Variants in GAN observed in about 807,000 individuals in gnomAD.
GAN encodes the protein gigaxonin, also known as epididymis secretory sperm binding protein.
A neutral mutation model predicts 71.3 loss-of-function variants in GAN; 48 were observed. That is an observed-to-expected ratio of 0.67 (90% CI 0.53 to 0.86). The LOEUF (loss-of-function observed/expected upper bound fraction) is 0.86. GAN is among the 40% of genes least tolerant of loss of function. The pLI is 0.00. For missense variants in GAN, 928 were observed against 770.1 expected (o/e 1.21, Z -2.43); for synonymous variants, 386 against 276.8 (o/e 1.39, Z -3.92).
At chr16:81,364,331 G>A (rs1020324856) in intron 7 of GAN, among the ~76,000 whole-genome samples, 6 of 151,994 alleles carry the variant, frequency 3.9e-5, no homozygotes, top group African/African-American at 1.5e-4. Flanking sequence ...GTGCGGTGGC[G>A]CCATCTTGGC....
At position 81,387,787 on chromosome 16, in the gene GAN, G is replaced by C. The variant is rs554099587; in HGVS notation, c.*10191G>C. ...GCCAGGATTGTGCCACTGTACTCCAGCCTGGGCGACAGAGGGGGACTCTGT... is the reference window on the plus strand; with the variant it reads ...GCCAGGATTGTGCCACTGTACTCCACCCTGGGCGACAGAGGGGGACTCTGT... On this transcript the variant is annotated 3_prime_UTR_variant, in exon 11 of 11. Transcript: ENST00000648994. 6.6e-6 allele frequency: 1 copy of C among 152,066 alleles called. No individual in the cohort carries two copies. Among genetic ancestry groups the C allele is most frequent in the Non-Finnish European group, 1.5e-5 (1 of 68,054 alleles). The allele number at this position is 152,066 out of a possible 1,614,324, so 9.4% of individuals were successfully genotyped here. A position where few individuals can be genotyped will look rare whatever the true frequency, so the allele number is the denominator to read the frequency against.
chr16:81,323,820 C>T (rs11150385), intron 1 of GAN, among the ~76,000 whole-genome samples: 139,972 of 152,224 alleles, frequency 0.92, 64,472 homozygotes, highest in Middle Eastern at 0.95. Context: ...AGGACTCCAT[C>T]CTCTTGTGCT....
At chr16:81,341,974 G>GT (rs1413809064) in intron 1 of GAN, among the ~76,000 whole-genome samples, 1 of 152,158 alleles carries the variant, frequency 6.6e-6, no homozygotes, top group African/African-American at 2.4e-5. Flanking sequence ...AGAAGCAGGG[G>GT]TTGCAATCCT....
chr16:81,322,434 T>G (rs1277217551), intron 1 of GAN, among the ~76,000 whole-genome samples: 2 of 152,226 alleles, frequency 1.3e-5, no homozygotes, highest in Non-Finnish European at 2.9e-5. Context: ...AGAGTAAGGC[T>G]TAGAGGGCCA....
chr16:81,375,615 C>T (rs1904277672), intron 9 of GAN, among the ~76,000 whole-genome samples: 1 of 151,996 alleles, frequency 6.6e-6, no homozygotes. Context: ...CTTGAGCCAC[C>T]ACACCTGGCC....
At chr16:81,348,812 G>C (rs765623939) in intron 1 of GAN, among the ~76,000 whole-genome samples, 1 of 152,106 alleles carries the variant, frequency 6.6e-6, no homozygotes. Context: ...TGTGCCCTTG[G>C]GTCTGTACCC....
intron 5 of GAN, among the ~76,000 whole-genome samples, chr16:81,362,067 C>G (rs16955164): frequency 0.023 from 3,433 of 152,246 alleles, 83 homozygotes; most frequent in East Asian, 0.12. Context: ...AGTTCAGTTG[C>G]TCTTAGATCC....
At position 81,390,766 on chromosome 16, in the gene GAN, A is replaced by T. The variant is rs1904536982; in HGVS notation, c.*13170A>T. On this transcript the variant is annotated 3_prime_UTR_variant, in exon 11 of 11. Transcript: ENST00000648994. ...GTACCACACAAAAGGAATCATCTTT[A>T]AGCTGTTTAATTAACCTAATAAAAT... 1 of 152,232 alleles carries T rather than the reference A, an allele frequency of 6.6e-6. No individual in the cohort carries two copies. Among genetic ancestry groups the T allele is most frequent in the African/African-American group, 2.4e-5 (1 of 41,460 alleles). The allele number at this position is 152,232 out of a possible 1,614,324, so 9.4% of individuals were successfully genotyped here.
intron 1 of GAN, among the ~76,000 whole-genome samples, chr16:81,342,294 CT>C (rs767538977): frequency 6.7e-4 from 102 of 152,224 alleles, no homozygotes; most frequent in Non-Finnish European, 1.4e-3. Context: ...AAATAGACAT[CT>C]ACAGAACTCT....
intron 9 of GAN, among the ~76,000 whole-genome samples, chr16:81,372,582 C>T (rs919258872): frequency 3.3e-5 from 5 of 152,160 alleles, no homozygotes; most frequent in Non-Finnish European, 5.9e-5. Flanking sequence ...AAATAGATCA[C>T]CTACGCGTAT....
At chr16:81,364,642 T>C (rs1025888259) in intron 7 of GAN, among the ~76,000 whole-genome samples, 1 of 152,132 alleles carries the variant, frequency 6.6e-6, no homozygotes, top group African/African-American at 2.4e-5. Flanking sequence ...TGAACTATGA[T>C]GGCACCACTG....
chr16:81,362,932 C>T (rs975322022), intron 6 of GAN, among the ~76,000 whole-genome samples: 15 of 152,210 alleles, frequency 9.9e-5, no homozygotes, highest in African/African-American at 3.6e-4. Flanking sequence ...CTTAGCTTTC[C>T]TGTCCCCGTC....
At chr16:81,350,258 G>C (rs1371470026) in intron 1 of GAN, among the ~76,000 whole-genome samples, 6 of 152,164 alleles carry the variant, frequency 3.9e-5, no homozygotes, top group Non-Finnish European at 4.4e-5. Flanking sequence ...CATACAAAGA[G>C]ATGTTCAGCA....
rs887513837 is a variant in GAN, at chr16:81,365,508, G to A, written c.1502+30G>A. 1.9e-6 allele frequency: 3 copies of A among 1,605,518 alleles called. No individual in the cohort carries two copies. The African/African-American group carries it at 4.0e-5, about 22-fold the overall frequency. On this transcript the variant is annotated intron_variant, in intron 9 of 10. Coordinates refer to ENST00000648994, the MANE Select transcript of GAN (RefSeq NM_022041.4). ...CTAAGAATGGTTTCACATAGCTACT[G>A]CAACTTTTTCTTTGTGCTTTCAGTC...
chr16:81,361,074 G>A (rs961966627), intron 5 of GAN, among the ~76,000 whole-genome samples: 2 of 152,072 alleles, frequency 1.3e-5, no homozygotes, highest in African/African-American at 2.4e-5. Flanking sequence ...AGTACAAAAA[G>A]TAGCTGGGTA....
intron 1 of GAN, among the ~76,000 whole-genome samples, chr16:81,328,173 A>G (rs1324534552): frequency 1.3e-5 from 2 of 152,204 alleles, no homozygotes; most frequent in Non-Finnish European, 2.9e-5. Flanking sequence ...AAATCTATAC[A>G]CACAAAAAAT....
In GAN at chr16:81,383,004, G is replaced by A. The variant is rs1034724278; in HGVS notation, c.*5408G>A. On this transcript the variant is annotated 3_prime_UTR_variant, in exon 11 of 11. Transcript: ENST00000648994. Reference sequence around the variant, plus strand: ...TTTTTTTAAATTTCTTTTAGAAACTGGGTTTTGCTCTGTTGCCCAGGCTGA... The same window carrying A: ...TTTTTTTAAATTTCTTTTAGAAACTAGGTTTTGCTCTGTTGCCCAGGCTGA... The A allele has an allele frequency of 6.6e-6, 1 of 151,938 alleles. No homozygotes were observed. Among genetic ancestry groups the A allele is most frequent in the East Asian group, 1.9e-4 (1 of 5,182 alleles). 9.4% of individuals were successfully genotyped at this position (151,938 alleles called of 1,614,324 possible).
In GAN at chr16:81,379,065, G is replaced by A. The variant is rs1346404636; in HGVS notation, c.*1469G>A. The A allele has an allele frequency of 3.3e-5, 5 of 151,316 alleles. No homozygotes were observed. In the South Asian group the frequency reaches 6.3e-4, roughly 19 times the overall value. 9.4% of individuals were successfully genotyped at this position (151,316 alleles called of 1,614,324 possible). A position where few individuals can be genotyped will look rare whatever the true frequency, so the allele number is the denominator to read the frequency against. Reference sequence around the variant, plus strand: ...GGTTTTTTTTTTCCTTTTGGAATATGGCTGTAAGAAGCAGCATTTTGTCTT... The same window carrying A: ...GGTTTTTTTTTTCCTTTTGGAATATAGCTGTAAGAAGCAGCATTTTGTCTT... On this transcript the variant is annotated 3_prime_UTR_variant, in exon 11 of 11. Transcript: ENST00000648994.
At chr16:81,363,687 T>C in intron 6 of GAN, 107 bp from the exon 7 acceptor site, 2 of 1,133,474 alleles carry the variant, frequency 1.8e-6, no homozygotes, top group Non-Finnish European at 2.7e-6. Flanking sequence ...CCCCATTGTC[T>C]ATTTTTGCCA....
Sources: allele counts gnomAD v4.1 joint callset (sites outside exome capture counted in the v4.1 genomes callset), GRCh38; gene constraint gnomAD v4.1.1; transcripts MANE v1.5; gene names NCBI Gene and HGNC (gene_info 2026-07-23, HGNC 2026-07-21).